Variants in TBCK observed in about 807,000 individuals in gnomAD.
TBCK encodes TBC domain-containing protein kinase-like protein.
In TBCK, 99 loss-of-function variants were observed where a neutral mutation model predicts 113.4. The ratio of observed to expected loss-of-function variants is 0.87; its 90% confidence interval spans 0.74 to 1.03. TBCK has a LOEUF of 1.03. Among genes scored for constraint, TBCK ranks in the 50% least tolerant of loss-of-function variants. The probability of loss-of-function intolerance (pLI) is 0.00; values close to 1 mark genes in which losing one functional copy is unlikely to be tolerated. For missense variants in TBCK, 1,045 were observed against 1,061.3 expected (o/e 0.98, Z 0.21); for synonymous variants, 369 against 370.8 (o/e 1.00, Z 0.05).
At chr4:106,241,051 G>A (rs1424193158) in intron 12 of TBCK, among the ~76,000 whole-genome samples, 1 of 151,902 alleles carries the variant, frequency 6.6e-6, no homozygotes, top group Non-Finnish European at 1.5e-5. Context: ...ATCAATGCTT[G>A]ATGTAGGTGG....
intron 23 of TBCK, among the ~76,000 whole-genome samples, chr4:106,150,864 A>G (rs1748398951): frequency 6.6e-6 from 1 of 152,050 alleles, no homozygotes; most frequent in South Asian, 2.1e-4. Flanking sequence ...CCTTTTTTGT[A>G]GTAACTACAT....
At chr4:106,313,163 T>C (rs1768376270) in intron 1 of TBCK, among the ~76,000 whole-genome samples, 2 of 152,046 alleles carry the variant, frequency 1.3e-5, no homozygotes, top group Admixed American at 6.6e-5. Flanking sequence ...AACTAGAAAA[T>C]TGTAAACATT....
intron 3 of TBCK, among the ~76,000 whole-genome samples, chr4:106,270,702 C>T (rs1763398227): frequency 6.6e-6 from 1 of 152,122 alleles, no homozygotes; most frequent in Non-Finnish European, 1.5e-5. Context: ...TATCACCCTA[C>T]CCATCTCAAA....
rs1407920596 is a variant in TBCK at position 106,242,665 on chromosome 4, C to T, written c.1071-96G>A. 5 of 701,618 alleles carry T rather than the reference C, an allele frequency of 7.1e-6. No individual in the cohort carries two copies. The African/African-American group carries it at 7.4e-5, about 10-fold the overall frequency. The allele number at this position is 701,618 out of a possible 1,614,324, so 43.5% of individuals were successfully genotyped here. A position where few individuals can be genotyped will look rare whatever the true frequency, so the allele number is the denominator to read the frequency against. ...TATTCTAAGTCATCAATCCCTTCAT[C>T]AAAAAAGAATTAAACTTTAGACTGG... On this transcript the variant is annotated intron_variant, in intron 11 of 25. Coordinates refer to ENST00000394708, the MANE Select transcript of TBCK (RefSeq NM_001163435.3).
chr4:106,312,532 A>G (rs1768314932), intron 1 of TBCK, among the ~76,000 whole-genome samples: 1 of 152,190 alleles, frequency 6.6e-6, no homozygotes, highest in African/African-American at 2.4e-5. Context: ...GAATTTTGGA[A>G]AATATTTGGA....
At chr4:106,184,894 T>C (rs72891619) in intron 22 of TBCK, among the ~76,000 whole-genome samples, 4,109 of 152,182 alleles carry the variant, frequency 0.027, 176 homozygotes, top group African/African-American at 0.094. Context: ...ATTCTTAACA[T>C]AGTTGTCTTA....
At position 106,193,613 on chromosome 4, in the gene TBCK, T is replaced by C. The variant is rs1753894481; in HGVS notation, c.2055A>G (p.Leu685=). 1 of 1,612,954 alleles carries C rather than the reference T, an allele frequency of 6.2e-7. No homozygotes were observed. Among genetic ancestry groups the C allele is most frequent in the Non-Finnish European group, 8.5e-7 (1 of 1,179,374 alleles). Reference sequence around the variant, plus strand: ...TCCATTTATTTAGATCTATACCTGGTAAATCGGAGAAGAGAAGAATACACT... The same window carrying C: ...TCCATTTATTTAGATCTATACCTGGCAAATCGGAGAAGAGAAGAATACACT... The part of the protein sequence containing the change: ...FNECILLFSD[L]PEIDIERCVR... Residue 685 remains leucine (L), a synonymous_variant, in exon 22 of 26, where the codon TTA becomes TTG. Coordinates refer to ENST00000394708, the MANE Select transcript of TBCK (RefSeq NM_001163435.3).
intron 23 of TBCK, among the ~76,000 whole-genome samples, chr4:106,128,979 C>T (rs1745549204): frequency 6.6e-6 from 1 of 152,120 alleles, no homozygotes; most frequent in South Asian, 2.1e-4. Context: ...AAAAGGATGT[C>T]ATGTCAAATC....
At chr4:106,096,350 T>C (rs1393738900) in intron 24 of TBCK, among the ~76,000 whole-genome samples, 2 of 152,166 alleles carry the variant, frequency 1.3e-5, no homozygotes, top group African/African-American at 4.8e-5. Flanking sequence ...AAAATGAAAA[T>C]TTTTTATAAC....
intron 12 of TBCK, among the ~76,000 whole-genome samples, 165 bp downstream of exon 12, chr4:106,242,305 T>C (rs1760235740): frequency 6.6e-6 from 1 of 152,004 alleles, no homozygotes. Flanking sequence ...AATCAGGTAA[T>C]AAAGCTGAAG....
At chr4:106,092,162 A>G (rs1740339007) in intron 25 of TBCK, among the ~76,000 whole-genome samples, 1 of 152,142 alleles carries the variant, frequency 6.6e-6, no homozygotes, top group African/African-American at 2.4e-5. Context: ...GATTAGCTAG[A>G]TACAGAGTGC....
intron 3 of TBCK, among the ~76,000 whole-genome samples, chr4:106,292,802 T>C (rs1765864637): frequency 6.6e-6 from 1 of 152,340 alleles, no homozygotes; most frequent in Non-Finnish European, 1.5e-5. Context: ...CAAAGCTTGC[T>C]TCCTTATGTG....
At position 106,141,157 on chromosome 4, in the gene TBCK, T is replaced by C. The variant is rs529752513; in HGVS notation, c.2236-24779A>G. 7.1e-5 allele frequency among the ~76,000 whole-genome samples: 10 copies of C among 140,378 alleles called. No individual in the cohort carries two copies. In the East Asian group the frequency reaches 1.9e-3, roughly 26 times the overall value. 92.1% of individuals were successfully genotyped at this position (140,378 alleles called of 152,430 possible). A position where few individuals can be genotyped will look rare whatever the true frequency, so the allele number is the denominator to read the frequency against. On this transcript the variant is annotated intron_variant, in intron 23 of 25. Coordinates refer to ENST00000394708, the MANE Select transcript of TBCK (RefSeq NM_001163435.3). The stretch of plus-strand genomic sequence containing the variant: ...GATGTCCACCATTACCATTGTTATT[T>C]AATATTGTTCTAGAGAAAAAGGTGA...
At chr4:106,144,918 G>A (rs1219570334) in intron 23 of TBCK, among the ~76,000 whole-genome samples, 1 of 151,892 alleles carries the variant, frequency 6.6e-6, no homozygotes, top group African/African-American at 2.4e-5. Flanking sequence ...AGCTACTCAG[G>A]TGGCTGAGGC....
intron 22 of TBCK, among the ~76,000 whole-genome samples, chr4:106,186,454 T>C (rs922588728): frequency 6.6e-6 from 1 of 152,200 alleles, no homozygotes; most frequent in Non-Finnish European, 1.5e-5. Context: ...TATCTCATTG[T>C]GGTTTTGATT....
intron 24 of TBCK, 23 bp from the exon 25 acceptor site, chr4:106,095,664 A>T (rs1437500271): frequency 6.2e-7 from 1 of 1,608,966 alleles, no homozygotes; most frequent in East Asian, 2.2e-5. Context: ...GTTTAAGGAA[A>T]ACATTTATTT....
At chr4:106,210,165 C>T (rs780631221) in intron 20 of TBCK, among the ~76,000 whole-genome samples, 11 of 151,894 alleles carry the variant, frequency 7.2e-5, no homozygotes, top group Non-Finnish European at 1.6e-4. Context: ...TCCTTCTAGA[C>T]AAAAGACAGA....
intron 24 of TBCK, among the ~76,000 whole-genome samples, chr4:106,101,535 A>G (rs146757549): frequency 6.6e-6 from 1 of 152,220 alleles, no homozygotes; most frequent in Admixed American, 6.5e-5. Flanking sequence ...CAAGAGTAAT[A>G]CTAGTGTTCA....
At chr4:106,050,035 C>T (rs1300177985) in intron 25 of TBCK, among the ~76,000 whole-genome samples, 2 of 151,960 alleles carry the variant, frequency 1.3e-5, no homozygotes, top group African/African-American at 2.4e-5. Flanking sequence ...TCACTTTGCA[C>T]TAGAAGAGGC....
Sources: allele counts gnomAD v4.1 joint callset (sites outside exome capture counted in the v4.1 genomes callset), GRCh38; gene constraint gnomAD v4.1.1; transcripts MANE v1.5; gene names NCBI Gene and HGNC (gene_info 2026-07-23, HGNC 2026-07-21).